The following SRPK2 variants were observed in gnomAD, a reference collection of about 807,000 sequenced individuals.
SRPK2 encodes the protein SRSF protein kinase 2.
A neutral mutation model predicts 90.8 loss-of-function variants in SRPK2; 21 were observed. The observed-to-expected ratio is 0.23, with a 90% CI of 0.16 to 0.33. SRPK2 has a LOEUF of 0.33. Ranked by LOEUF, SRPK2 falls within the 10% of genes least tolerant of loss-of-function variation. SRPK2 has a pLI of 1.00. For synonymous variants in SRPK2, 288 were observed against 311.1 expected (o/e 0.93, Z 0.78); for missense variants, 620 against 869.0 (o/e 0.71, Z 3.60).
intron 2 of SRPK2, among the ~76,000 whole-genome samples, chr7:105,327,107 G>A (rs988656744): frequency 1.6e-4 from 24 of 151,214 alleles, no homozygotes; most frequent in Non-Finnish European, 2.8e-4. Context: ...AAGCAAAAGA[G>A]CCCCGATAAT....
intron 2 of SRPK2, among the ~76,000 whole-genome samples, chr7:105,381,361 C>T (rs1305122381): frequency 2.0e-5 from 3 of 152,038 alleles, no homozygotes; most frequent in Admixed American, 1.3e-4. Flanking sequence ...TAGATCATGA[C>T]GTCAGGAGCT....
chr7:105,173,114 G>T (rs1791366265), intron 3 of SRPK2, among the ~76,000 whole-genome samples: 1 of 150,944 alleles, frequency 6.6e-6, no homozygotes, highest in African/African-American at 2.5e-5. Context: ...TACACAAGAG[G>T]GGCATTTTTT....
intron 2 of SRPK2, among the ~76,000 whole-genome samples, chr7:105,214,442 T>G (rs558076820): frequency 1.3e-5 from 2 of 152,342 alleles, no homozygotes; most frequent in East Asian, 3.9e-4. Flanking sequence ...TCAGTAGTTC[T>G]CTTTAGTAGA....
At chr7:105,379,289 C>A (rs1445231388) in intron 2 of SRPK2, among the ~76,000 whole-genome samples, 1 of 151,696 alleles carries the variant, frequency 6.6e-6, no homozygotes, top group Non-Finnish European at 1.5e-5. Context: ...TAAAAAAACA[C>A]CATGTAACAA....
chr7:105,205,517 T>TCTCTCACACA (rs1491532268), intron 2 of SRPK2, among the ~76,000 whole-genome samples: 5 of 95,794 alleles, frequency 5.2e-5, no homozygotes, highest in African/African-American at 1.8e-4. Context: ...TCTCTCTCTC[T>TCTCTCACACA]CACACACACA....
chr7:105,210,301 G>A (rs1307285272), intron 2 of SRPK2, among the ~76,000 whole-genome samples: 1 of 152,104 alleles, frequency 6.6e-6, no homozygotes, highest in African/African-American at 2.4e-5. Flanking sequence ...GTATTTGAGG[G>A]ACATTCACAT....
intron 3 of SRPK2, among the ~76,000 whole-genome samples, chr7:105,190,501 T>C (rs909366438): frequency 3.3e-5 from 5 of 152,220 alleles, no homozygotes; most frequent in Non-Finnish European, 5.9e-5. Flanking sequence ...TTTTGTTTGT[T>C]TTTTTAAACC....
In SRPK2 at chr7:105,211,109, C is replaced by T. The variant is rs1287388725; in HGVS notation, c.72-7324G>A. On this transcript the variant is annotated intron_variant, in intron 2 of 15. Coordinates refer to ENST00000393651, the MANE Select transcript of SRPK2 (RefSeq NM_182692.3). ...TCCTACAAAACTGTGAGTTAATAAA[C>T]AGGTGTTGTTTTAAGCTGCTAAGGG... Among the ~76,000 whole-genome samples the T allele has an allele frequency of 2.0e-5, 3 of 152,174 alleles. No homozygotes were observed. In the East Asian group the frequency reaches 5.8e-4, roughly 29 times the overall value.
At chr7:105,343,626 AC>A in intron 2 of SRPK2, among the ~76,000 whole-genome samples, 1 of 151,988 alleles carries the variant, frequency 6.6e-6, no homozygotes, top group South Asian at 2.1e-4. Flanking sequence ...TTTCCTACAT[AC>A]GTTTTCTAAC....
chr7:105,362,300 T>G (rs937352643), intron 2 of SRPK2, among the ~76,000 whole-genome samples: 1 of 152,036 alleles, frequency 6.6e-6, no homozygotes, highest in Non-Finnish European at 1.5e-5. Flanking sequence ...CCAGTTAGAA[T>G]GGCGATCATT....
At chr7:105,317,183 C>T (rs905028855) in intron 2 of SRPK2, among the ~76,000 whole-genome samples, 1 of 152,218 alleles carries the variant, frequency 6.6e-6, no homozygotes, top group Non-Finnish European at 1.5e-5. Flanking sequence ...AACATTTGCA[C>T]TGACGACATA....
At chr7:105,352,209 T>G (rs1817276984) in intron 2 of SRPK2, among the ~76,000 whole-genome samples, 1 of 152,150 alleles carries the variant, frequency 6.6e-6, no homozygotes, top group African/African-American at 2.4e-5. Flanking sequence ...TTAATTTGCA[T>G]CTCTTCAAAG....
chr7:105,196,982 A>G (rs1794994764), intron 3 of SRPK2, among the ~76,000 whole-genome samples: 3 of 152,100 alleles, frequency 2.0e-5, no homozygotes, highest in South Asian at 4.1e-4. Context: ...CCCGGGAGGT[A>G]GAGGCAGTGA....
intron 2 of SRPK2, among the ~76,000 whole-genome samples, chr7:105,282,747 C>T (rs934472894): frequency 6.6e-6 from 1 of 152,024 alleles, no homozygotes; most frequent in Non-Finnish European, 1.5e-5. Context: ...CGAGATTGTG[C>T]CACTGCATTC....
At chr7:105,271,265 T>G (rs1384054676) in intron 2 of SRPK2, among the ~76,000 whole-genome samples, 1 of 152,228 alleles carries the variant, frequency 6.6e-6, no homozygotes, top group African/African-American at 2.4e-5. Flanking sequence ...CTAACGAAGT[T>G]AATGCCTATC....
At chr7:105,184,373 T>A (rs576761788) in intron 3 of SRPK2, among the ~76,000 whole-genome samples, 2 of 152,300 alleles carry the variant, frequency 1.3e-5, no homozygotes, top group East Asian at 3.9e-4. Flanking sequence ...TCCAAACCAC[T>A]GTTACAAAAT....
Position 105,142,175 on chromosome 7 carries a change from G to A in SRPK2, c.1376C>T (p.Ser459Leu), listed in dbSNP as rs1231536328. The A allele has an allele frequency of 3.1e-6, 5 of 1,614,030 alleles. No individual in the cohort carries two copies. Among genetic ancestry groups the A allele is most frequent in the Non-Finnish European group, 3.4e-6 (4 of 1,180,040 alleles). ...LPNGRHKIPE[S>L]QFPEFSTSLF... ...CGAGGTGGAAAACTCTGGGAACTGT[G>A]ACTCGGGAATTTTATGTCGTCCATT... is the stretch of plus-strand genomic sequence containing the variant. The change falls in exon 11 of 16, where the codon TCA (serine) becomes TTA (leucine). Residue 459 changes from serine to leucine, a missense_variant. By Grantham distance (145) the Ser-to-Leu change is moderately radical (BLOSUM62 -2). Around this residue, in one of 8 missense-constraint regions of SRPK2, gnomAD observed 243 missense variants for 245.7 expected, o/e 0.99. Transcript: ENST00000393651.
At chr7:105,151,357 T>C (rs1488097528) in intron 7 of SRPK2, among the ~76,000 whole-genome samples, 3 of 152,176 alleles carry the variant, frequency 2.0e-5, no homozygotes, top group Non-Finnish European at 4.4e-5. Context: ...TTCATTCTCA[T>C]CTATGGGAGG....
chr7:105,293,164 G>T (rs1192883571), intron 2 of SRPK2, among the ~76,000 whole-genome samples: 2 of 152,080 alleles, frequency 1.3e-5, no homozygotes. Flanking sequence ...CGGGCATGGT[G>T]GTGGATGCCT....
Sources: gnomAD v4.1 joint callset for allele counts (sites outside exome capture counted in the v4.1 genomes callset) on GRCh38, gnomAD v4.1.1 for gene constraint, gnomAD v4.1.1 regional missense constraint, MANE v1.5 for transcripts, NCBI Gene and HGNC (gene_info 2026-07-23, HGNC 2026-07-21) for gene names.